KLHL32: variants seen among roughly 807,000 people sequenced by gnomAD.
The protein encoded by KLHL32 is kelch-like protein 32.
In KLHL32, 35 loss-of-function variants were observed where a neutral mutation model predicts 64.8. The observed-to-expected ratio is 0.54, with a 90% CI of 0.41 to 0.72. The LOEUF (loss-of-function observed/expected upper bound fraction) is 0.72, where lower values mean the gene tolerates loss of function less well. KLHL32 is among the 30% of genes least tolerant of loss of function. The pLI, the probability that KLHL32 is intolerant of heterozygous loss-of-function variation, is 0.00. For synonymous variants in KLHL32, 259 were observed against 281.0 expected, an observed-to-expected ratio of 0.92 and a Z score of 0.78; for missense variants, 589 against 768.5, an observed-to-expected ratio of 0.77 and a Z score of 2.76.
chr6:97,066,742 A>G (rs1789814554), intron 5 of KLHL32, among the ~76,000 whole-genome samples: 1 of 152,208 alleles, frequency 6.6e-6, no homozygotes, highest in Non-Finnish European at 1.5e-5. Context: ...GATTATAAAA[A>G]TCACAGACTG....
At chr6:97,045,446 TCTTA>T (rs1785775749) in intron 4 of KLHL32, among the ~76,000 whole-genome samples, 1 of 152,072 alleles carries the variant, frequency 6.6e-6, no homozygotes, top group Non-Finnish European at 1.5e-5. Flanking sequence ...AACCCATAGC[TCTTA>T]CTTCACAGGT....
chr6:96,970,300 G>A (rs1774969396), intron 2 of KLHL32, among the ~76,000 whole-genome samples: 1 of 152,164 alleles, frequency 6.6e-6, no homozygotes, highest in Non-Finnish European at 1.5e-5. Flanking sequence ...TCCTGCACAA[G>A]TGGGCTCAGG....
At chr6:97,121,066 C>T (rs1285244976) in intron 7 of KLHL32, among the ~76,000 whole-genome samples, 2 of 152,190 alleles carry the variant, frequency 1.3e-5, no homozygotes, top group Non-Finnish European at 2.9e-5. Context: ...ATTAACAAAG[C>T]TTTCATCCTA....
intron 7 of KLHL32, among the ~76,000 whole-genome samples, chr6:97,115,907 T>A (rs931661484): frequency 6.6e-6 from 1 of 152,244 alleles, no homozygotes; most frequent in African/African-American, 2.4e-5. Flanking sequence ...GCTTCTCAGC[T>A]TTCCTCAATA....
intron 3 of KLHL32, among the ~76,000 whole-genome samples, chr6:97,014,294 CAAAA>C (rs778174425): frequency 1.1e-5 from 1 of 94,348 alleles, no homozygotes; most frequent in Non-Finnish European, 2.4e-5. Flanking sequence ...GACTCCGTCT[CAAAA>C]AAAAAAAAAA....
At chr6:96,986,611 G>T (rs111480571) in intron 3 of KLHL32, among the ~76,000 whole-genome samples, 1,689 of 152,284 alleles carry the variant, frequency 0.011, 41 homozygotes, top group African/African-American at 0.039. Flanking sequence ...CCTTGCAGTT[G>T]GATCTCCCAC....
chr6:96,947,034 T>C (rs895727227), intron 1 of KLHL32, among the ~76,000 whole-genome samples: 1 of 152,218 alleles, frequency 6.6e-6, no homozygotes. Context: ...AAAGCATTTG[T>C]AAATGTTAAA....
intron 3 of KLHL32, among the ~76,000 whole-genome samples, chr6:97,028,679 G>A (rs1450777325): frequency 1.3e-5 from 2 of 152,204 alleles, no homozygotes; most frequent in Non-Finnish European, 2.9e-5. Context: ...CAGTTGGGGT[G>A]TCCTTAGAAG....
At chr6:96,963,746 G>C (rs2128028987) in intron 1 of KLHL32, among the ~76,000 whole-genome samples, 1 of 152,270 alleles carries the variant, frequency 6.6e-6, no homozygotes, top group Admixed American at 6.5e-5. Flanking sequence ...TAAATGTTCA[G>C]TAAAATCAAT....
At chr6:96,943,710 C>T (rs1771605469) in intron 1 of KLHL32, among the ~76,000 whole-genome samples, 1 of 152,216 alleles carries the variant, frequency 6.6e-6, no homozygotes, top group South Asian at 2.1e-4. Flanking sequence ...TTTCATAAGC[C>T]TTCACTGCTT....
intron 1 of KLHL32, among the ~76,000 whole-genome samples, chr6:96,944,474 A>G (rs1401183761): frequency 2.6e-5 from 4 of 152,226 alleles, no homozygotes; most frequent in Non-Finnish European, 4.4e-5. Flanking sequence ...AGTCATTAAC[A>G]TAACTTAATA....
intron 4 of KLHL32, among the ~76,000 whole-genome samples, chr6:97,043,293 C>T (rs573423253): frequency 6.6e-6 from 1 of 152,280 alleles, no homozygotes; most frequent in Non-Finnish European, 1.5e-5. Flanking sequence ...TTTTTAGATT[C>T]AGCATATAAG....
chr6:97,133,656 C>T (rs1799677334), intron 10 of KLHL32, among the ~76,000 whole-genome samples: 1 of 152,068 alleles, frequency 6.6e-6, no homozygotes, highest in Non-Finnish European at 1.5e-5. Flanking sequence ...GTTGTGTTAT[C>T]CTTAGTTATA....
intron 4 of KLHL32, among the ~76,000 whole-genome samples, chr6:97,043,586 G>T (rs538229245): frequency 6.6e-6 from 1 of 152,208 alleles, no homozygotes; most frequent in African/African-American, 2.4e-5. Flanking sequence ...CCCAGAAGTG[G>T]AATTGCTGGT....
At chr6:96,979,134 C>G (rs868291005) in intron 3 of KLHL32, among the ~76,000 whole-genome samples, 1 of 152,050 alleles carries the variant, frequency 6.6e-6, no homozygotes, top group Non-Finnish European at 1.5e-5. Context: ...TCCATAAGCT[C>G]TTTAGTTTAA....
chr6:97,035,015 G>A (rs1036319377), intron 3 of KLHL32, among the ~76,000 whole-genome samples: 2 of 151,854 alleles, frequency 1.3e-5, no homozygotes, highest in African/African-American at 4.8e-5. Context: ...CTCTGGGTAG[G>A]ACTTCCAGTA....
chr6:97,037,809 G>A (rs1409437391), intron 3 of KLHL32, among the ~76,000 whole-genome samples: 1 of 152,104 alleles, frequency 6.6e-6, no homozygotes. Flanking sequence ...GCCTGGTACT[G>A]GCATAAAAAC....
intron 1 of KLHL32, among the ~76,000 whole-genome samples, chr6:96,927,663 T>C (rs941634235): frequency 6.6e-6 from 1 of 152,228 alleles, no homozygotes; most frequent in Non-Finnish European, 1.5e-5. Flanking sequence ...CTTCTCATGG[T>C]TCTCTTATTC....
intron 4 of KLHL32, among the ~76,000 whole-genome samples, chr6:97,049,984 G>A (rs902182528): frequency 2.0e-5 from 3 of 152,202 alleles, no homozygotes; most frequent in East Asian, 1.9e-4. Context: ...CTAAGTGACA[G>A]TCTTTGCTTC....
Sources: allele counts gnomAD v4.1 joint callset (sites outside exome capture counted in the v4.1 genomes callset), GRCh38; gene constraint gnomAD v4.1.1; transcripts MANE v1.5; gene names NCBI Gene and HGNC (gene_info 2026-07-23, HGNC 2026-07-21).